B3GAT2: variants seen among roughly 807,000 people sequenced by gnomAD.
B3GAT2 encodes the protein galactosylgalactosylxylosylprotein 3-beta-glucuronosyltransferase 2.
B3GAT2 carries 26 observed loss-of-function variants against 27.8 expected under a neutral mutation model. That is an observed-to-expected ratio of 0.93 (90% CI 0.68 to 1.30). The LOEUF is 1.30. Among genes scored for constraint, B3GAT2 ranks in the 50% most tolerant of loss-of-function variants. The probability of loss-of-function intolerance (pLI) is 0.00; values close to 1 mark genes in which losing one functional copy is unlikely to be tolerated. For missense variants in B3GAT2, 458 were observed against 459.0 expected (o/e 1.00, Z 0.02); for synonymous variants, 218 against 195.1 (o/e 1.12, Z -0.98).
In B3GAT2 at chr6:70,956,834, G is replaced by A; in HGVS notation, c.-405C>T. ...CGCCTCGCCGCTCCAGTCCGGCGGTGCTGCGGGCACAAGGGCTCCAGCCGC... is the reference window on the plus strand; with the variant it reads ...CGCCTCGCCGCTCCAGTCCGGCGGTACTGCGGGCACAAGGGCTCCAGCCGC... On this transcript the variant is annotated 5_prime_UTR_variant, in exon 1 of 4. Coordinates refer to ENST00000230053, the MANE Select transcript of B3GAT2 (RefSeq NM_080742.3). 1 of 1,064,336 alleles carries A rather than the reference G, an allele frequency of 9.4e-7. No individual in the cohort carries two copies. The highest frequency in any genetic ancestry group is 1.1e-6 in the Non-Finnish European group (1 of 879,922). The allele number at this position is 1,064,336 out of a possible 1,614,324, so 65.9% of individuals were successfully genotyped here.
intron 1 of B3GAT2, among the ~76,000 whole-genome samples, chr6:70,944,518 A>T (rs2150050693): frequency 6.6e-6 from 1 of 152,256 alleles, no homozygotes; most frequent in African/African-American, 2.4e-5. Flanking sequence ...AGGCTGGGGG[A>T]GGGGTGCCCG....
intron 1 of B3GAT2, among the ~76,000 whole-genome samples, chr6:70,901,519 C>G (rs564049773): frequency 6.6e-6 from 1 of 152,348 alleles, no homozygotes; most frequent in South Asian, 2.1e-4. Context: ...CCAATTGAAA[C>G]AGCTCCTAGT....
rs543711366 is a variant in B3GAT2, at chr6:70,875,004, T to A, written c.737-13026A>T. Among the ~76,000 whole-genome samples the A allele has an allele frequency of 4.9e-3, 712 of 144,062 alleles. 2 individuals carry two copies. The highest frequency in any genetic ancestry group is 0.016 in the African/African-American group (637 of 39,040). The allele number at this position is 144,062 out of a possible 152,430, so 94.5% of individuals were successfully genotyped here. A position where few individuals can be genotyped will look rare whatever the true frequency, so the allele number is the denominator to read the frequency against. ...GCTCTTACCAAGATTTAGCCTTTTT[T>A]AAAAAAAAAAAAACAAAACTCCCCA... On this transcript the variant is annotated intron_variant, in intron 2 of 3. Transcript: ENST00000230053.
Position 70,860,904 on chromosome 6 carries a change from C to T in B3GAT2, c.*759G>A. 7.7e-6 allele frequency: 3 copies of T among 387,530 alleles called. No individual in the cohort carries two copies. The highest frequency in any genetic ancestry group is 1.4e-5 in the Non-Finnish European group (3 of 219,114). 24.0% of individuals were successfully genotyped at this position (387,530 alleles called of 1,614,324 possible). ...AGGAAGATAAACGTGGATGTTACTC[C>T]AAAACTTCGTTTAATGAATGCTTAA... On this transcript the variant is annotated 3_prime_UTR_variant, in exon 4 of 4. Transcript: ENST00000230053.
At chr6:70,904,093 T>A (rs1772556170) in intron 1 of B3GAT2, among the ~76,000 whole-genome samples, 1 of 152,206 alleles carries the variant, frequency 6.6e-6, no homozygotes, top group African/African-American at 2.4e-5. Flanking sequence ...CATAATACCA[T>A]GTACCAATTT....
In B3GAT2 at chr6:70,859,942, T is replaced by A. The variant is rs1454192367; in HGVS notation, c.*1721A>T. 2 of 349,532 alleles carry A rather than the reference T, an allele frequency of 5.7e-6. No individual in the cohort carries two copies. The highest frequency in any genetic ancestry group is 4.2e-5 in the African/African-American group (2 of 47,380). The allele number at this position is 349,532 out of a possible 1,614,324, so 21.7% of individuals were successfully genotyped here. A position where few individuals can be genotyped will look rare whatever the true frequency, so the allele number is the denominator to read the frequency against. ...AAGTTAGTTAGAGTAGCGGACTCAT[T>A]AAAATCCCAAGATTGCTTTGGTATT... On this transcript the variant is annotated 3_prime_UTR_variant, in exon 4 of 4. Transcript: ENST00000230053.
intron 1 of B3GAT2, among the ~76,000 whole-genome samples, chr6:70,951,632 T>A (rs1171590716): frequency 2.0e-5 from 3 of 152,064 alleles, no homozygotes; most frequent in Non-Finnish European, 4.4e-5. Context: ...AACATCCAAA[T>A]GAAAACTACT....
intron 2 of B3GAT2, among the ~76,000 whole-genome samples, chr6:70,869,574 T>G (rs1471244183): frequency 6.6e-6 from 1 of 152,210 alleles, no homozygotes; most frequent in South Asian, 2.1e-4. Context: ...TTTCCACTTA[T>G]TTAGTTCTTC....
chr6:70,918,043 T>C (rs1331196800), intron 1 of B3GAT2, among the ~76,000 whole-genome samples: 2 of 152,196 alleles, frequency 1.3e-5, no homozygotes, highest in East Asian at 3.8e-4. Flanking sequence ...AGTCTCTTTG[T>C]AGACTTAGTC....
chr6:70,867,132 C>T (rs1347696105), intron 2 of B3GAT2, among the ~76,000 whole-genome samples: 6 of 151,916 alleles, frequency 3.9e-5, no homozygotes, highest in African/African-American at 1.2e-4. Context: ...AAAATGAAAA[C>T]AAGACATATC....
chr6:70,900,427 T>C (rs568197563), intron 1 of B3GAT2, among the ~76,000 whole-genome samples: 1 of 150,852 alleles, frequency 6.6e-6, no homozygotes, highest in East Asian at 2.0e-4. Context: ...TTTTTTTGAG[T>C]CAGGGTCTCC....
At chr6:70,950,140 C>G (rs1240778742) in intron 1 of B3GAT2, among the ~76,000 whole-genome samples, 1 of 151,730 alleles carries the variant, frequency 6.6e-6, no homozygotes, top group African/African-American at 2.4e-5. Flanking sequence ...ACCAGCATGG[C>G]ACATGTATAC....
In B3GAT2 at chr6:70,938,873, G is replaced by A. The variant is rs1453015274; in HGVS notation, c.591+16966C>T. Among the ~76,000 whole-genome samples, 8 of 151,748 alleles carry A rather than the reference G, an allele frequency of 5.3e-5. 1 individual carries two copies. In the South Asian group the frequency reaches 1.0e-3, roughly 20 times the overall value. ...TCATGTCTAAAACACCAAAAGCATT[G>A]GCAACAAAAGCCAAAATTGACAAAT... is the stretch of plus-strand genomic sequence containing the variant. On this transcript the variant is annotated intron_variant, in intron 1 of 3. Coordinates refer to ENST00000230053, the MANE Select transcript of B3GAT2 (RefSeq NM_080742.3).
Position 70,895,988 on chromosome 6 carries a change from C to T in B3GAT2, c.592-1716G>A, listed in dbSNP as rs561716305. Reference sequence around the variant, plus strand: ...CACAGCTTTTGAAACATTTCCTACCCTTATAAGGTTATTTTATCTGTCTGG... The same window carrying T: ...CACAGCTTTTGAAACATTTCCTACCTTTATAAGGTTATTTTATCTGTCTGG... On this transcript the variant is annotated intron_variant, in intron 1 of 3. Transcript: ENST00000230053. 3.1e-4 allele frequency among the ~76,000 whole-genome samples: 47 copies of T among 152,260 alleles called. 1 individual carries two copies. Among genetic ancestry groups the T allele is most frequent in the Admixed American group, 2.4e-3 (37 of 15,296 alleles).
In B3GAT2 at chr6:70,880,113, C is replaced by T. The variant is rs901916749; in HGVS notation, c.736+14015G>A. ...GGGGGTGGGGGTGGAGGTGGCAATG[C>T]GGCAGAGGAGGTAGAGAGAGAGACT... On this transcript the variant is annotated intron_variant, in intron 2 of 3. Transcript: ENST00000230053. 1.4e-4 allele frequency among the ~76,000 whole-genome samples: 21 copies of T among 151,612 alleles called. 1 individual carries two copies. The highest frequency in any genetic ancestry group is 1.2e-3 in the Admixed American group (19 of 15,238).
intron 1 of B3GAT2, among the ~76,000 whole-genome samples, chr6:70,926,020 C>G (rs1772950350): frequency 6.6e-6 from 1 of 152,172 alleles, no homozygotes; most frequent in African/African-American, 2.4e-5. Flanking sequence ...CTGGTGACAC[C>G]CAGGCAAACA....
At chr6:70,893,127 G>A (rs928341312) in intron 2 of B3GAT2, among the ~76,000 whole-genome samples, 9 of 152,158 alleles carry the variant, frequency 5.9e-5, no homozygotes, top group Non-Finnish European at 8.8e-5. Context: ...GTCCATGAGC[G>A]CTGTGCCCCT....
Position 70,859,537 on chromosome 6 carries a change from ACT to A in B3GAT2, c.*2124_*2125del. The A allele has an allele frequency of 4.8e-6, 3 of 622,236 alleles. No individual in the cohort carries two copies. Among genetic ancestry groups the A allele is most frequent in the Non-Finnish European group, 7.9e-6 (3 of 377,902 alleles). The allele number at this position is 622,236 out of a possible 1,614,324, so 38.5% of individuals were successfully genotyped here. On this transcript the variant is annotated 3_prime_UTR_variant, in exon 4 of 4. Transcript: ENST00000230053. Reference sequence around the variant, plus strand: ...TGTATTAAATTAAGAACACAGTCTAACTCTGAGTGTAAGTTTTAAACCCACTC... The same window carrying A: ...TGTATTAAATTAAGAACACAGTCTAACTGAGTGTAAGTTTTAAACCCACTC...
rs529107269 is a variant in B3GAT2 at position 70,940,454 on chromosome 6, G to A, written c.591+15385C>T. 2.4e-4 allele frequency among the ~76,000 whole-genome samples: 37 copies of A among 152,072 alleles called. No individual in the cohort carries two copies. In the South Asian group the frequency reaches 3.7e-3, roughly 15 times the overall value. ...GAATATTCCTAACCTTCCCAGCCCA[G>A]GAAATGACCTTAAAATACTGCTTCT... On this transcript the variant is annotated intron_variant, in intron 1 of 3. Transcript: ENST00000230053.
Sources: gnomAD v4.1 joint callset for allele counts (sites outside exome capture counted in the v4.1 genomes callset) on GRCh38, gnomAD v4.1.1 for gene constraint, MANE v1.5 for transcripts, NCBI Gene and HGNC (gene_info 2026-07-23, HGNC 2026-07-21) for gene names.